ZIM2: variants seen among roughly 807,000 people sequenced by gnomAD.
The protein encoded by ZIM2 is zinc finger imprinted 2.
In ZIM2, 14 loss-of-function variants were observed where a neutral mutation model predicts 38.6. The observed-to-expected ratio is 0.36, with a 90% confidence interval of 0.24 to 0.57. The LOEUF (loss-of-function observed/expected upper bound fraction) is 0.57, where lower values mean the gene tolerates loss of function less well. Ranked by LOEUF, ZIM2 falls within the 20% of genes least tolerant of loss-of-function variation. ZIM2 has a pLI of 0.81. For missense variants in ZIM2, 680 were observed against 695.1 expected (o/e 0.98, Z 0.24); for synonymous variants, 247 against 245.8 (o/e 1.00, Z -0.04).
chr19:56,832,473 C>T (rs1306617127), intron 2 of ZIM2, among the ~76,000 whole-genome samples: 1 of 152,266 alleles, frequency 6.6e-6, no homozygotes, highest in East Asian at 1.9e-4. Flanking sequence ...AACTCTGGCC[C>T]ACAGGGCAAA....
chr19:56,811,479 T>C (rs2059536742), intron 9 of ZIM2: 4 of 976,996 alleles, frequency 4.1e-6, no homozygotes, highest in South Asian at 4.7e-5. Context: ...TTGCATTAAG[T>C]GTCCACAGAT....
intron 9 of ZIM2, chr19:56,813,264 A>T (rs144170438): frequency 1.8e-5 from 17 of 964,908 alleles, no homozygotes; most frequent in Non-Finnish European, 4.9e-6. Flanking sequence ...CTGTAACTGT[A>T]TATCATATAA....
intron 9 of ZIM2, among the ~76,000 whole-genome samples, chr19:56,796,864 A>G (rs549374064): frequency 6.6e-6 from 1 of 152,358 alleles, no homozygotes; most frequent in African/African-American, 2.4e-5. Flanking sequence ...ATTACAGAGT[A>G]GGGTGTCGTC....
intron 4 of ZIM2, 125 bp downstream of exon 4, chr19:56,824,137 C>T: frequency 6.9e-7 from 1 of 1,456,610 alleles, no homozygotes; most frequent in Non-Finnish European, 9.2e-7. Context: ...GTACACAGGA[C>T]ATCCCCACCG....
At chr19:56,812,635 G>A (rs1426540655) in intron 9 of ZIM2, 2 of 985,668 alleles carry the variant, frequency 2.0e-6, no homozygotes, top group Non-Finnish European at 2.4e-6. Flanking sequence ...AGTGATGAAA[G>A]GTTATTAGCC....
chr19:56,800,180 G>T (rs996709663), intron 9 of ZIM2, among the ~76,000 whole-genome samples: 1 of 151,878 alleles, frequency 6.6e-6, no homozygotes, highest in African/African-American at 2.4e-5. Context: ...TTTGATGTAT[G>T]TAAATTTGAC....
chr19:56,824,661 T>A (rs752208145), intron 3 of ZIM2: 9 of 1,585,454 alleles, frequency 5.7e-6, no homozygotes, highest in Non-Finnish European at 7.7e-6. Context: ...AGCATTTCTC[T>A]AAGTAAAATT....
rs1329339438 is a variant in ZIM2, at chr19:56,779,468, G to A, written c.744C>T (p.His248=). ...AGATAATGTCAGGTTTAGAGAACTG[G>A]TGCCCTGTTGGAGAGGAAGACTGAG... The part of the protein sequence containing the change: ...ENYRNLVSLG[H]QFSKPDIISR... The change falls in exon 12 of 13, where the codon CAC becomes CAT. Residue 248 remains histidine, a synonymous_variant. Coordinates refer to ENST00000629319, the MANE Select transcript of ZIM2 (RefSeq NM_001387356.1). The A allele has an allele frequency of 6.2e-7, 1 of 1,613,560 alleles. No homozygotes were observed. Among genetic ancestry groups the A allele is most frequent in the Non-Finnish European group, 8.5e-7 (1 of 1,179,806 alleles).
chr19:56,775,654 T>C, intron 12 of ZIM2, 125 bp from the exon 13 acceptor site: 2 of 1,432,864 alleles, frequency 1.4e-6, no homozygotes, highest in Non-Finnish European at 1.8e-6. Flanking sequence ...CTTTTCCTAA[T>C]CTGAAAAAAA....
Position 56,812,774 on chromosome 19 carries a change from C to T in ZIM2, c.490+4972G>A, listed in dbSNP as rs533561647. The T allele has an allele frequency of 6.7e-5, 66 of 981,516 alleles. 1 individual carries two copies. Among genetic ancestry groups the T allele is most frequent in the Non-Finnish European group, 7.5e-5 (62 of 827,994 alleles). The allele number at this position is 981,516 out of a possible 1,614,324, so 60.8% of individuals were successfully genotyped here. A position where few individuals can be genotyped will look rare whatever the true frequency, so the allele number is the denominator to read the frequency against. On this transcript the variant is annotated intron_variant, in intron 9 of 12. Transcript: ENST00000629319. ...ATGTAAGATTTACAGGGAAAAGCTT[C>T]GGGTTTTATCAATTCACTATCATCA...
At position 56,814,112 on chromosome 19, in the gene ZIM2, C is replaced by G. The variant is rs150561309; in HGVS notation, c.490+3634G>C. 1 of 1,614,034 alleles carries G rather than the reference C, an allele frequency of 6.2e-7. No homozygotes were observed. The highest frequency in any genetic ancestry group is 1.3e-5 in the African/African-American group (1 of 74,926). ...TCATCAGCATCCCCATTTGGCTGCT[C>G]GGCCTCTCCATTTGGCTGTCCAGCC... On this transcript the variant is annotated intron_variant, in intron 9 of 12. Transcript: ENST00000629319. This position sits in a 1 kb window ranked among gnomAD's most constrained non-coding sequence, Gnocchi z 5.8.
chr19:56,805,400 G>A (rs1468353364), intron 9 of ZIM2, among the ~76,000 whole-genome samples: 17 of 152,186 alleles, frequency 1.1e-4, no homozygotes, highest in Admixed American at 1.1e-3. Context: ...ACATCCCCCA[G>A]TTGTGGATTG....
intron 9 of ZIM2, among the ~76,000 whole-genome samples, chr19:56,803,339 C>A (rs562714573): frequency 6.6e-6 from 1 of 152,320 alleles, no homozygotes; most frequent in Non-Finnish European, 1.5e-5. Context: ...AGTGAACCTA[C>A]TGAAAATGTG....
chr19:56,820,993 C>G (rs909131179), intron 7 of ZIM2, among the ~76,000 whole-genome samples: 23 of 152,356 alleles, frequency 1.5e-4, no homozygotes, highest in African/African-American at 5.3e-4. Context: ...TCCTAAAAAA[C>G]AAGCTCAAGT....
intron 9 of ZIM2, chr19:56,812,517 C>T (rs2146099557): frequency 1.0e-6 from 1 of 985,570 alleles, no homozygotes; most frequent in African/African-American, 1.7e-5. Context: ...GATACTAGCT[C>T]CTGGGCACCT....
In ZIM2 at chr19:56,782,270, G is replaced by T. The variant is rs143722166; in HGVS notation, c.571-149C>A. The T allele has an allele frequency of 3.7e-6, 4 of 1,086,604 alleles. No individual in the cohort carries two copies. In the East Asian group the frequency reaches 1.0e-4, roughly 29 times the overall value. 67.3% of individuals were successfully genotyped at this position (1,086,604 alleles called of 1,614,324 possible). On this transcript the variant is annotated intron_variant, in intron 10 of 12. Coordinates refer to ENST00000629319, the MANE Select transcript of ZIM2 (RefSeq NM_001387356.1). ...CTTTGTCTTATCGAGTCTGAGAGAA[G>T]TGGGAACATTACTGAAACAGTTCCT...
chr19:56,781,671 C>T (rs890652682), intron 11 of ZIM2, among the ~76,000 whole-genome samples: 1 of 152,220 alleles, frequency 6.6e-6, no homozygotes. Flanking sequence ...ATAACAACAA[C>T]AATAAGTATA....
At chr19:56,836,857 A>T (rs2146659551) in intron 1 of ZIM2, among the ~76,000 whole-genome samples, 1 of 151,484 alleles carries the variant, frequency 6.6e-6, no homozygotes, top group Non-Finnish European at 1.5e-5. Flanking sequence ...ATTCCCAGCT[A>T]CTCTGAAGAG....
intron 9 of ZIM2, chr19:56,816,618 A>C (rs754723356): frequency 6.2e-7 from 1 of 1,613,890 alleles, no homozygotes; most frequent in South Asian, 1.1e-5. Flanking sequence ...GGCTGGGCCT[A>C]AAGGTTTCCC....
Sources: gnomAD v4.1 joint callset for allele counts (sites outside exome capture counted in the v4.1 genomes callset) on GRCh38, gnomAD v4.1.1 for gene constraint, Gnocchi (gnomAD v3.1) non-coding constraint, MANE v1.5 for transcripts, NCBI Gene and HGNC (gene_info 2026-07-23, HGNC 2026-07-21) for gene names.